Variants in BRAP observed in about 807,000 individuals in gnomAD.
The protein encoded by BRAP is BRCA1-associated protein.
Under a neutral mutation model 73.4 loss-of-function variants are expected in BRAP, and 42 were observed. The observed-to-expected ratio is 0.57, with a 90% CI of 0.45 to 0.74. The LOEUF (loss-of-function observed/expected upper bound fraction) is 0.74, where lower values mean the gene tolerates loss of function less well. Among genes scored for constraint, BRAP ranks in the 30% least tolerant of loss-of-function variants. BRAP has a pLI of 0.00. For missense variants in BRAP, 593 were observed against 751.4 expected (o/e 0.79, Z 2.46); for synonymous variants, 255 against 267.4 (o/e 0.95, Z 0.45).
In BRAP at chr12:111,644,404, T is replaced by A; in HGVS notation, c.1574A>T (p.Gln525Leu). The change falls in exon 12 of 12, where the codon CAG becomes CTG. Residue 525 changes from glutamine (Q) to leucine (L), a missense_variant. Physicochemically the swap from Gln to Leu is moderately radical, Grantham distance 113 (BLOSUM62 -2). This residue lies in a region of BRAP where 143 missense variants were observed against 190.4 expected (regional missense o/e 0.75). Coordinates refer to ENST00000419234, the MANE Select transcript of BRAP (RefSeq NM_006768.5). ...CAGCTGCTCCTGGATCTCGGTGATC[T>A]GCAGATCTTTTTGGTCACAGGTCTC... ...LKETCDQKDLQITEIQEQLRD... is the reference protein window; with the variant it reads ...LKETCDQKDLLITEIQEQLRD... 1 of 1,614,030 alleles carries A rather than the reference T, an allele frequency of 6.2e-7. No individual in the cohort carries two copies. Among genetic ancestry groups the A allele is most frequent in the Non-Finnish European group, 8.5e-7 (1 of 1,179,994 alleles).
At chr12:111,682,440 G>A (rs761931450) in intron 2 of BRAP, among the ~76,000 whole-genome samples, 1 of 143,812 alleles carries the variant, frequency 7.0e-6, no homozygotes, top group Non-Finnish European at 1.5e-5. Flanking sequence ...AGGTGGAGTT[G>A]CAGTAAGCCG....
chr12:111,658,571 G>A (rs1338242813), intron 9 of BRAP, among the ~76,000 whole-genome samples, 165 bp downstream of exon 9: 1 of 152,066 alleles, frequency 6.6e-6, no homozygotes, highest in Non-Finnish European at 1.5e-5. Flanking sequence ...TGATCCACCT[G>A]CCTCAGCCTC....
Position 111,685,928 on chromosome 12 carries a change from C to T in BRAP, c.-136G>A, listed in dbSNP as rs375417855. Reference sequence around the variant, plus strand: ...TGCCGCCGCCTCAGCAGCAGCAGCTCCTCGAACAGCCCTCGGAGCCACAAC... The same window carrying T: ...TGCCGCCGCCTCAGCAGCAGCAGCTTCTCGAACAGCCCTCGGAGCCACAAC... On this transcript the variant is annotated 5_prime_UTR_variant, in exon 1 of 12. Coordinates refer to ENST00000419234, the MANE Select transcript of BRAP (RefSeq NM_006768.5). 4.3e-6 allele frequency: 2 copies of T among 465,874 alleles called. No individual in the cohort carries two copies. The highest frequency in any genetic ancestry group is 4.6e-5 in the Admixed American group (1 of 21,842). The allele number at this position is 465,874 out of a possible 1,614,324, so 28.9% of individuals were successfully genotyped here.
chr12:111,680,701 CAAAACAA>C (rs1887567544), intron 3 of BRAP, among the ~76,000 whole-genome samples: 1 of 62,192 alleles, frequency 1.6e-5, no homozygotes, highest in Non-Finnish European at 2.4e-5. Context: ...CAAAAAAAAA[CAAAACAA>C]AAAACAAAAC....
chr12:111,645,655 T>C (rs1886083933), intron 11 of BRAP, among the ~76,000 whole-genome samples: 1 of 152,152 alleles, frequency 6.6e-6, no homozygotes, highest in Non-Finnish European at 1.5e-5. Flanking sequence ...TGTCCAGTCT[T>C]ACTCATAAGT....
At chr12:111,653,998 C>G (rs1481528894) in intron 10 of BRAP, among the ~76,000 whole-genome samples, 1 of 152,186 alleles carries the variant, frequency 6.6e-6, no homozygotes, top group Non-Finnish European at 1.5e-5. Flanking sequence ...GAATCCTGAG[C>G]TTAGCTTCAA....
Position 111,681,892 on chromosome 12 carries a change from T to A in BRAP, c.245-57A>T. 4.8e-6 allele frequency: 7 copies of A among 1,456,196 alleles called. No homozygotes were observed. In the South Asian group the frequency reaches 9.4e-5, roughly 20 times the overall value. 90.2% of individuals were successfully genotyped at this position (1,456,196 alleles called of 1,614,324 possible). A position where few individuals can be genotyped will look rare whatever the true frequency, so the allele number is the denominator to read the frequency against. On this transcript the variant is annotated intron_variant, in intron 2 of 11. Transcript: ENST00000419234. ...ATGGATAGGACATATGCTGAAGGAT[T>A]TGAACTAGATTAAAATTTCAAGTCA...
At position 111,679,181 on chromosome 12, in the gene BRAP, T is replaced by C. The variant is rs767635287; in HGVS notation, c.603A>G (p.Gln201=). Residue 201 remains glutamine, a synonymous_variant, in exon 4 of 12, where the codon CAA becomes CAG. Transcript: ENST00000419234. Reference sequence around the variant, plus strand: ...CACGAAACTTTATCAGCACCATATATTGGTTGGGAGTAGAGTCTCTGATAA... The same window carrying C: ...CACGAAACTTTATCAGCACCATATACTGGTTGGGAGTAGAGTCTCTGATAA... ...MKIIRDSTPN[Q]YMVLIKFRAQ... is the part of the protein sequence containing the mutation. 3 of 1,591,056 alleles carry C rather than the reference T, an allele frequency of 1.9e-6. No individual in the cohort carries two copies. Among genetic ancestry groups the C allele is most frequent in the Middle Eastern group, 1.7e-4 (1 of 5,968 alleles).
intron 4 of BRAP, among the ~76,000 whole-genome samples, chr12:111,678,462 G>A (rs1167066122): frequency 6.6e-6 from 1 of 150,718 alleles, no homozygotes; most frequent in Non-Finnish European, 1.5e-5. Flanking sequence ...TTCGAGACCA[G>A]CCTGGCCAAC....
At chr12:111,671,814 T>A (rs1291346574) in intron 5 of BRAP, among the ~76,000 whole-genome samples, 1 of 150,844 alleles carries the variant, frequency 6.6e-6, no homozygotes, top group Non-Finnish European at 1.5e-5. Context: ...GGGTCCTGAG[T>A]AGCTGGGACC....
intron 5 of BRAP, among the ~76,000 whole-genome samples, 195 bp downstream of exon 5, chr12:111,672,466 G>A (rs913942808): frequency 3.9e-5 from 6 of 151,976 alleles, no homozygotes; most frequent in Non-Finnish European, 7.4e-5. Flanking sequence ...TCTAGAACAC[G>A]TCCATCACTT....
chr12:111,645,641 T>C (rs1044359477), intron 11 of BRAP, among the ~76,000 whole-genome samples: 4 of 152,166 alleles, frequency 2.6e-5, no homozygotes, highest in Admixed American at 6.6e-5. Flanking sequence ...TGCCCTATTC[T>C]TGATGTCCAG....
chr12:111,674,589 G>A (rs1450634594), intron 4 of BRAP, among the ~76,000 whole-genome samples: 2 of 152,196 alleles, frequency 1.3e-5, no homozygotes, highest in African/African-American at 4.8e-5. Flanking sequence ...AGCTGAGGAA[G>A]GATGATCAAT....
intron 7 of BRAP, 63 bp downstream of exon 7, chr12:111,660,537 C>G: frequency 7.2e-7 from 1 of 1,392,770 alleles, no homozygotes; most frequent in Non-Finnish European, 9.8e-7. Context: ...TCATACCAGG[C>G]AGAAGAAAAC....
chr12:111,659,766 C>T (rs1157154939), intron 7 of BRAP, among the ~76,000 whole-genome samples: 1 of 152,134 alleles, frequency 6.6e-6, no homozygotes, highest in Non-Finnish European at 1.5e-5. Flanking sequence ...CCTGTAATCC[C>T]AGCATTTTGG....
intron 11 of BRAP, among the ~76,000 whole-genome samples, chr12:111,647,890 CAAAAAAAAAAAGAAAAAAAGA>C (rs1886167809): frequency 8.1e-6 from 1 of 123,780 alleles, no homozygotes; most frequent in African/African-American, 3.0e-5. Flanking sequence ...AACTCCGTCT[CAAAAAAAAAAAGAAAAAAAGA>C]AAAAAAAATT....
At chr12:111,672,318 A>G (rs1343434446) in intron 5 of BRAP, among the ~76,000 whole-genome samples, 1 of 152,218 alleles carries the variant, frequency 6.6e-6, no homozygotes, top group African/African-American at 2.4e-5. Flanking sequence ...TCAACAATGC[A>G]GTATCTTTTT....
intron 4 of BRAP, among the ~76,000 whole-genome samples, chr12:111,677,720 G>A (rs1887438911): frequency 6.6e-6 from 1 of 152,158 alleles, no homozygotes; most frequent in Non-Finnish European, 1.5e-5. Flanking sequence ...AAGCTCCTTG[G>A]CACCCTTGGA....
chr12:111,669,966 T>C, intron 5 of BRAP: 3 of 638,188 alleles, frequency 4.7e-6, no homozygotes, highest in Non-Finnish European at 8.8e-6. Flanking sequence ...CCAGCTGATG[T>C]TGGTGTATCC....
Sources: allele counts gnomAD v4.1 joint callset (sites outside exome capture counted in the v4.1 genomes callset), GRCh38; gene constraint gnomAD v4.1.1; regional missense constraint gnomAD v4.1.1; transcripts MANE v1.5; gene names NCBI Gene and HGNC (gene_info 2026-07-23, HGNC 2026-07-21).